Variants in FAM193A observed in about 807,000 individuals in gnomAD.
The protein encoded by FAM193A is protein FAM193A.
In FAM193A, 22 loss-of-function variants were observed where a neutral mutation model predicts 126.5. That is an observed-to-expected ratio of 0.17 (90% CI 0.12 to 0.25). The LOEUF is 0.25. Ranked by LOEUF, FAM193A falls within the 10% of genes least tolerant of loss-of-function variation. FAM193A has a pLI of 1.00. For missense variants in FAM193A, 1,675 were observed against 1,672.8 expected (o/e 1.00, Z -0.02); for synonymous variants, 761 against 646.8 (o/e 1.18, Z -2.68).
chr4:2,536,730 G>C lies in FAM193A; in HGVS notation c.-186G>C, dbSNP rs1336049366. On this transcript the variant is annotated 5_prime_UTR_variant, in exon 1 of 21. Transcript: ENST00000637812. ...GGACTGTGGACTCGCGGTTCCTCCC[G>C]CCCAGCGGCCTGCCCCGCAGCTCCC... 1 of 149,564 alleles carries C rather than the reference G, an allele frequency of 6.7e-6. No individual in the cohort carries two copies. The highest frequency in any genetic ancestry group is 2.0e-4 in the South Asian group (1 of 5,104). 9.3% of individuals were successfully genotyped at this position (149,564 alleles called of 1,614,324 possible).
chr4:2,644,921 T>A (rs191761198), intron 6 of FAM193A, among the ~76,000 whole-genome samples: 3 of 152,366 alleles, frequency 2.0e-5, no homozygotes, highest in African/African-American at 7.2e-5. Context: ...TAGTATTTCT[T>A]ATACATTTTT....
At chr4:2,697,959 C>T (rs1717228689) in intron 18 of FAM193A, among the ~76,000 whole-genome samples, 1 of 152,230 alleles carries the variant, frequency 6.6e-6, no homozygotes, top group Non-Finnish European at 1.5e-5. Flanking sequence ...CTCTTGCCCT[C>T]TGACCTTGCA....
intron 1 of FAM193A, among the ~76,000 whole-genome samples, chr4:2,565,702 TACAGCA>T (rs1738901663): frequency 6.6e-6 from 1 of 152,210 alleles, no homozygotes; most frequent in Non-Finnish European, 1.5e-5. Context: ...GGGAACTGCT[TACAGCA>T]ACCAGTTGAA....
chr4:2,730,581 T>G (rs1721259869), intron 20 of FAM193A, among the ~76,000 whole-genome samples: 2 of 151,962 alleles, frequency 1.3e-5, no homozygotes, highest in South Asian at 2.1e-4. Flanking sequence ...TCCCAGCTAC[T>G]TGGGAGGCTG....
intron 1 of FAM193A, among the ~76,000 whole-genome samples, chr4:2,537,933 C>T (rs977253776): frequency 1.3e-5 from 2 of 152,122 alleles, no homozygotes; most frequent in African/African-American, 4.8e-5. Context: ...CACATTGCAC[C>T]TACCAATTAT....
At chr4:2,548,276 G>C (rs1210340331) in intron 1 of FAM193A, among the ~76,000 whole-genome samples, 1 of 151,624 alleles carries the variant, frequency 6.6e-6, no homozygotes, top group Admixed American at 6.6e-5. Flanking sequence ...TCACCATGTT[G>C]GCCAGACTGG....
Position 2,695,151 on chromosome 4 carries a change from A to G in FAM193A, c.3276+22A>G. 1.9e-6 allele frequency: 3 copies of G among 1,553,758 alleles called. No individual in the cohort carries two copies. The Admixed American group carries it at 6.0e-5, about 31-fold the overall frequency. ...CGGGGTGAGTGCATGAGGTCAGCGCATCATGATGTGGGAAGTGTGCAACAC... is the reference window on the plus strand; with the variant it reads ...CGGGGTGAGTGCATGAGGTCAGCGCGTCATGATGTGGGAAGTGTGCAACAC... On this transcript the variant is annotated intron_variant, in intron 17 of 20. Coordinates refer to ENST00000637812, the MANE Select transcript of FAM193A (RefSeq NM_001366318.2).
chr4:2,639,291 A>C (rs1479578341), intron 5 of FAM193A, among the ~76,000 whole-genome samples: 2 of 152,164 alleles, frequency 1.3e-5, no homozygotes, highest in Non-Finnish European at 2.9e-5. Flanking sequence ...TGTGTGTATT[A>C]ATTAGAATGG....
At chr4:2,538,058 G>C (rs996099217) in intron 1 of FAM193A, among the ~76,000 whole-genome samples, 1 of 152,134 alleles carries the variant, frequency 6.6e-6, no homozygotes, top group South Asian at 2.1e-4. Flanking sequence ...TCTGCTGAAA[G>C]AGAATAGATT....
intron 1 of FAM193A, among the ~76,000 whole-genome samples, chr4:2,559,348 C>T (rs1738459396): frequency 6.6e-6 from 1 of 152,220 alleles, no homozygotes; most frequent in South Asian, 2.1e-4. Flanking sequence ...AGTCGGTGTC[C>T]CCTCACATAC....
chr4:2,732,224 T>C lies in FAM193A; in HGVS notation c.*356T>C. The C allele has an allele frequency of 7.1e-6, 2 of 283,258 alleles. No individual in the cohort carries two copies. The highest frequency in any genetic ancestry group is 7.7e-5 in the South Asian group (2 of 25,932). The allele number at this position is 283,258 out of a possible 1,614,324, so 17.5% of individuals were successfully genotyped here. On this transcript the variant is annotated 3_prime_UTR_variant, in exon 21 of 21. Transcript: ENST00000637812. Reference sequence around the variant, plus strand: ...GCATTGCGCCCTGTCCTGTCATGTGTCCTCACCGGGGTATCGGCCGTCACT... The same window carrying C: ...GCATTGCGCCCTGTCCTGTCATGTGCCCTCACCGGGGTATCGGCCGTCACT...
intron 2 of FAM193A, among the ~76,000 whole-genome samples, chr4:2,624,794 G>A (rs1448009459): frequency 6.6e-6 from 1 of 152,142 alleles, no homozygotes; most frequent in Admixed American, 6.5e-5. Flanking sequence ...CTCCCATCTC[G>A]GCTTCCCAAA....
chr4:2,577,422 G>GTTTTTTTTGTTT (rs1225436149), intron 1 of FAM193A, among the ~76,000 whole-genome samples: 30 of 115,536 alleles, frequency 2.6e-4, no homozygotes, highest in South Asian at 6.0e-4. Context: ...TTTTTTTTTT[G>GTTTTTTTTGTTT]TTTTTTTTTT....
chr4:2,684,360 A>T (rs562093317), intron 13 of FAM193A, among the ~76,000 whole-genome samples: 1 of 151,814 alleles, frequency 6.6e-6, no homozygotes, highest in South Asian at 2.1e-4. Flanking sequence ...TTTATTATTT[A>T]TAAGTTTTAA....
chr4:2,614,856 A>G (rs1053519221), intron 2 of FAM193A, among the ~76,000 whole-genome samples: 7 of 152,226 alleles, frequency 4.6e-5, no homozygotes, highest in African/African-American at 1.4e-4. Flanking sequence ...TGCCCATTTT[A>G]TATTAAATGT....
In FAM193A at chr4:2,659,858, A is replaced by G. The variant is rs1204504899; in HGVS notation, c.1549A>G (p.Ile517Val). ...TCTCTCACACATCCTCACGTGTGGT[A>G]TCATGGACCCCCCCGTCACTGATGA... ...CSLSHILTCG[I>V]MDPPVTDDIH... The change falls in exon 10 of 21, where the codon ATC becomes GTC. Residue 517 changes from isoleucine (I) to valine (V), a missense_variant. Ile to Val is a conservative substitution (Grantham distance 29). Coordinates refer to ENST00000637812, the MANE Select transcript of FAM193A (RefSeq NM_001366318.2). 6.8e-6 allele frequency: 11 copies of G among 1,614,020 alleles called. No homozygotes were observed. Among genetic ancestry groups the G allele is most frequent in the Non-Finnish European group, 2.5e-6 (3 of 1,180,022 alleles).
In FAM193A at chr4:2,690,965, C is replaced by T. The variant is rs1218110869; in HGVS notation, c.2798C>T (p.Ser933Leu). 8 of 1,612,144 alleles carry T rather than the reference C, an allele frequency of 5.0e-6. No individual in the cohort carries two copies. Among genetic ancestry groups the T allele is most frequent in the Non-Finnish European group, 5.9e-6 (7 of 1,178,522 alleles). Residue 933 changes from serine to leucine, a missense_variant, in exon 15 of 21, where the codon TCA becomes TTA. Around this residue, in one of 4 missense-constraint regions of FAM193A, gnomAD observed 1,186 missense variants for 1,109.2 expected, o/e 1.07. Transcript: ENST00000637812. ...AGAGTGTCATCCAAGAGACCTCCTTCAGTAGGTAAGGCTTGAAGGCTCACT... is the reference window on the plus strand; with the variant it reads ...AGAGTGTCATCCAAGAGACCTCCTTTAGTAGGTAAGGCTTGAAGGCTCACT... ...QFRVSSKRPPSVGDVFHGISK... is the reference protein window; with the variant it reads ...QFRVSSKRPPLVGDVFHGISK...
chr4:2,699,682 G>C lies in FAM193A; in HGVS notation c.3510G>C (p.Leu1170=), dbSNP rs756055929. The C allele has an allele frequency of 1.3e-6, 2 of 1,587,754 alleles. No individual in the cohort carries two copies. The highest frequency in any genetic ancestry group is 1.7e-6 in the Non-Finnish European group (2 of 1,170,518). The change falls in exon 19 of 21, where the codon CTG becomes CTC. Residue 1170 remains leucine, a splice_region_variant and synonymous_variant. Coordinates refer to ENST00000637812, the MANE Select transcript of FAM193A (RefSeq NM_001366318.2). ...AKRARHKQRK[L]EEKARLEAEA... ...TTGCCTTCTTTTTGCATTGGCAGCT[G>C]GAGGAGAAAGCTCGCCTAGAAGCAG...
chr4:2,729,912 T>A (rs1316719321), intron 20 of FAM193A, among the ~76,000 whole-genome samples: 1 of 151,974 alleles, frequency 6.6e-6, no homozygotes, highest in African/African-American at 2.4e-5. Context: ...ACAGCAAGGC[T>A]TTATTATTTT....
Sources: allele counts gnomAD v4.1 joint callset (sites outside exome capture counted in the v4.1 genomes callset), GRCh38; gene constraint gnomAD v4.1.1; regional missense constraint gnomAD v4.1.1; transcripts MANE v1.5; gene names NCBI Gene and HGNC (gene_info 2026-07-23, HGNC 2026-07-21).